Variants in TUB observed in about 807,000 individuals in gnomAD.
TUB encodes the protein tubby protein homolog.
Under a neutral mutation model 59.7 loss-of-function variants are expected in TUB, and 33 were observed. That is an observed-to-expected ratio of 0.55 (90% CI 0.42 to 0.74). The LOEUF is 0.74. TUB is among the 30% of genes least tolerant of loss of function. TUB has a pLI of 0.00. For synonymous variants in TUB, 293 were observed against 256.4 expected (o/e 1.14, Z -1.36); for missense variants, 659 against 672.0 (o/e 0.98, Z 0.21).
intron 2 of TUB, among the ~76,000 whole-genome samples, chr11:8,058,403 G>T (rs74052199): frequency 0.18 from 27,408 of 152,072 alleles, 2,849 homozygotes; most frequent in African/African-American, 0.28. Context: ...CTCGCACTTC[G>T]ATGCTCAGTC....
At chr11:8,025,255 G>A (rs575280189) in intron 1 of TUB, among the ~76,000 whole-genome samples, 1 of 152,188 alleles carries the variant, frequency 6.6e-6, no homozygotes, top group Non-Finnish European at 1.5e-5. Context: ...GCATGCTGGG[G>A]GTGGTGTGTG....
exon 1 of TUB, chr11:8,019,326 G>A: frequency 7.8e-7 from 1 of 1,283,736 alleles, no homozygotes; most frequent in Non-Finnish European, 9.8e-7. Context: ...GCAGCCACCG[G>A]ACCCTGTCTT....
chr11:8,081,120 G>T (rs1438729669), upstream of TUB, among the ~76,000 whole-genome samples: 1 of 146,086 alleles, frequency 6.8e-6, no homozygotes, highest in East Asian at 2.1e-4. Context: ...AGGGCGCTCC[G>T]CAGGCCCTGA....
At chr11:8,093,445 A>G (rs1943848839) in intron 3 of TUB, among the ~76,000 whole-genome samples, 1 of 152,134 alleles carries the variant, frequency 6.6e-6, no homozygotes, top group East Asian at 1.9e-4. Context: ...GAAACCATTC[A>G]AGGATTTTGA....
rs1944391764 is a variant in TUB, at chr11:8,103,444, C to T, written c.*1825C>T. 1 of 152,346 alleles carries T rather than the reference C, an allele frequency of 6.6e-6. No homozygotes were observed. Among genetic ancestry groups the T allele is most frequent in the African/African-American group, 2.4e-5 (1 of 41,438 alleles). 9.4% of individuals were successfully genotyped at this position (152,346 alleles called of 1,614,324 possible). A position where few individuals can be genotyped will look rare whatever the true frequency, so the allele number is the denominator to read the frequency against. ...CGTGTTAGGCTTTATAGGTGAAGGA[C>T]TTGTTTTGACTTAAGTAGAAGTAAT... On this transcript the variant is annotated 3_prime_UTR_variant, in exon 12 of 12. Coordinates refer to ENST00000299506, the MANE Select transcript of TUB (RefSeq NM_177972.3).
upstream of TUB, among the ~76,000 whole-genome samples, chr11:8,033,667 G>A (rs1942606958): frequency 6.6e-6 from 1 of 152,246 alleles, no homozygotes; most frequent in Non-Finnish European, 1.5e-5. Flanking sequence ...CCCAACCCAG[G>A]GCCTGGCACG....
chr11:8,037,867 C>T (rs1942674124), upstream of TUB, among the ~76,000 whole-genome samples: 1 of 152,054 alleles, frequency 6.6e-6, no homozygotes, highest in African/African-American at 2.4e-5. Flanking sequence ...GTGTCAGTTG[C>T]AGGATGGATT....
Position 8,102,224 on chromosome 11 carries a change from C to G in TUB, c.*605C>G, listed in dbSNP as rs1944338460. 1 of 152,132 alleles carries G rather than the reference C, an allele frequency of 6.6e-6. No individual in the cohort carries two copies. Among genetic ancestry groups the G allele is most frequent in the South Asian group, 2.1e-4 (1 of 4,816 alleles). The allele number at this position is 152,132 out of a possible 1,614,324, so 9.4% of individuals were successfully genotyped here. ...GGACAGGTAAGTGGCAGGACCCTGT[C>G]AGGATTGCAGGTGCCTGGCTTGCTG... On this transcript the variant is annotated 3_prime_UTR_variant, in exon 12 of 12. Transcript: ENST00000299506.
intron 3 of TUB, among the ~76,000 whole-genome samples, chr11:8,093,191 G>A (rs961558361): frequency 5.3e-5 from 8 of 151,932 alleles, no homozygotes; most frequent in South Asian, 2.1e-4. Flanking sequence ...AGCGTCCCTC[G>A]GGAGGTGACA....
At chr11:8,072,042 GGCC>G (rs1473908247) in intron 2 of TUB, among the ~76,000 whole-genome samples, 5 of 152,224 alleles carry the variant, frequency 3.3e-5, no homozygotes, top group Non-Finnish European at 5.9e-5. Context: ...TACAGGAAGG[GGCC>G]ACTCTGCAGC....
At chr11:8,056,945 G>A in intron 2 of TUB, among the ~76,000 whole-genome samples, 1 of 152,108 alleles carries the variant, frequency 6.6e-6, no homozygotes, top group East Asian at 1.9e-4. Flanking sequence ...CACACGTCAC[G>A]AGTTAGGAGG....
intron 8 of TUB, 114 bp from the exon 9 acceptor site, chr11:8,098,644 G>T (rs1424219898): frequency 5.3e-6 from 4 of 757,746 alleles, no homozygotes; most frequent in Non-Finnish European, 6.8e-6. Flanking sequence ...CCCTGGGCCT[G>T]CTCCTGTTCC....
rs569321157 is a variant in TUB at position 8,104,103 on chromosome 11, G to A, written c.*2484G>A. ...CTGGCCCTGGGGCCATGGGTGCATG[G>A]ACTCGTAAAGCTGCTAGGGCCCCTA... On this transcript the variant is annotated 3_prime_UTR_variant, in exon 12 of 12. Transcript: ENST00000299506. 1 of 152,266 alleles carries A rather than the reference G, an allele frequency of 6.6e-6. No individual in the cohort carries two copies. The highest frequency in any genetic ancestry group is 6.5e-5 in the Admixed American group (1 of 15,304). 9.4% of individuals were successfully genotyped at this position (152,266 alleles called of 1,614,324 possible).
rs1023329114 is a variant in TUB at position 8,105,265 on chromosome 11, C to A, written c.*3646C>A. ...CAAGTGGCCCTCAGATTACACTTCTCCAGATAGCTGAATGAGTCTGCTTTC... is the reference window on the plus strand; with the variant it reads ...CAAGTGGCCCTCAGATTACACTTCTACAGATAGCTGAATGAGTCTGCTTTC... On this transcript the variant is annotated 3_prime_UTR_variant, in exon 12 of 12. Transcript: ENST00000299506. 1.3e-5 allele frequency: 2 copies of A among 152,194 alleles called. No individual in the cohort carries two copies. The highest frequency in any genetic ancestry group is 6.5e-5 in the Admixed American group (1 of 15,280). The allele number at this position is 152,194 out of a possible 1,614,324, so 9.4% of individuals were successfully genotyped here.
intron 2 of TUB, among the ~76,000 whole-genome samples, chr11:8,064,069 C>G (rs1943186615): frequency 6.6e-6 from 1 of 152,154 alleles, no homozygotes; most frequent in Non-Finnish European, 1.5e-5. Context: ...TGGATCAGGA[C>G]TGGAAAATGG....
In TUB at chr11:8,103,426, G is replaced by C. The variant is rs1283382141; in HGVS notation, c.*1807G>C. On this transcript the variant is annotated 3_prime_UTR_variant, in exon 12 of 12. Coordinates refer to ENST00000299506, the MANE Select transcript of TUB (RefSeq NM_177972.3). ...TAGAAGTTGTATTTTAAACGTGTTA[G>C]GCTTTATAGGTGAAGGACTTGTTTT... 6.6e-6 allele frequency: 1 copy of C among 152,252 alleles called. No homozygotes were observed. The highest frequency in any genetic ancestry group is 1.9e-4 in the East Asian group (1 of 5,198). 9.4% of individuals were successfully genotyped at this position (152,252 alleles called of 1,614,324 possible).
upstream of TUB, among the ~76,000 whole-genome samples, chr11:8,035,123 A>G (rs1842874395): frequency 1.3e-5 from 2 of 152,192 alleles, no homozygotes; most frequent in Non-Finnish European, 2.9e-5. Flanking sequence ...CATTCAAAGG[A>G]CCTCGAACAA....
At chr11:8,022,214 T>A (rs1340680728) in intron 1 of TUB, among the ~76,000 whole-genome samples, 1 of 152,218 alleles carries the variant, frequency 6.6e-6, no homozygotes, top group Non-Finnish European at 1.5e-5. Flanking sequence ...TCATCAGTAC[T>A]TGTTTTTTAA....
rs547913847 is a variant in TUB, at chr11:8,032,290, G to A, written c.56+12932G>A. ...CCACCCCCAACTACCACCAAGTATC[G>A]CCCTACAAGGCAGCAGTGAAGTAGG... is the stretch of plus-strand genomic sequence containing the variant. On this transcript the variant is annotated intron_variant, in intron 1 of 11. Coordinates refer to the TUB transcript ENST00000534099. 5.3e-5 allele frequency among the ~76,000 whole-genome samples: 8 copies of A among 152,240 alleles called. No individual in the cohort carries two copies. The East Asian group carries it at 5.8e-4, about 11-fold the overall frequency.
Sources: allele counts gnomAD v4.1 joint callset (sites outside exome capture counted in the v4.1 genomes callset), GRCh38; gene constraint gnomAD v4.1.1; transcripts MANE v1.5; gene names NCBI Gene and HGNC (gene_info 2026-07-23, HGNC 2026-07-21).